The following TRPM3 variants were observed in gnomAD, a reference collection of about 807,000 sequenced individuals.
The protein encoded by TRPM3 is long transient receptor potential channel 3.
In TRPM3, 77 loss-of-function variants were observed where a neutral mutation model predicts 181.2. The ratio of observed to expected loss-of-function variants is 0.42; its 90% CI spans 0.35 to 0.51. The LOEUF is 0.51. Among genes scored for constraint, TRPM3 ranks in the 20% least tolerant of loss-of-function variants. TRPM3 has a pLI of 0.01. For missense variants in TRPM3, 1,759 were observed against 2,196.7 expected (o/e 0.80, Z 3.98); for synonymous variants, 745 against 796.4 (o/e 0.94, Z 1.09).
At chr9:71,013,753 C>G (rs1014020843) in intron 1 of TRPM3, among the ~76,000 whole-genome samples, 4 of 151,768 alleles carry the variant, frequency 2.6e-5, no homozygotes, top group African/African-American at 9.7e-5. Context: ...TTTCATTATT[C>G]CTTGGTGTTT....
chr9:71,107,340 T>C (rs1049781432), intron 1 of TRPM3, among the ~76,000 whole-genome samples: 3 of 152,142 alleles, frequency 2.0e-5, no homozygotes, highest in Admixed American at 6.6e-5. Context: ...TGCCCCTTCT[T>C]CTGGTTGGTA....
chr9:71,204,307 T>C (rs1299661623), intron 1 of TRPM3, among the ~76,000 whole-genome samples: 2 of 151,314 alleles, frequency 1.3e-5, no homozygotes, highest in Non-Finnish European at 1.5e-5. Context: ...TTTTGCAACC[T>C]ACTCATCTGA....
chr9:71,114,109 G>A (rs2071740158), intron 1 of TRPM3, among the ~76,000 whole-genome samples: 1 of 152,102 alleles, frequency 6.6e-6, no homozygotes, highest in African/African-American at 2.4e-5. Flanking sequence ...TTCCTTATCA[G>A]TTATCTATTT....
chr9:70,675,254 C>A (rs961734850), intron 9 of TRPM3, among the ~76,000 whole-genome samples: 1 of 152,156 alleles, frequency 6.6e-6, no homozygotes, highest in African/African-American at 2.4e-5. Context: ...TCACGCACTG[C>A]CATGCTCCAC....
chr9:71,442,054 T>C (rs1412564598), intron 1 of TRPM3, among the ~76,000 whole-genome samples: 1 of 152,210 alleles, frequency 6.6e-6, no homozygotes, highest in Non-Finnish European at 1.5e-5. Flanking sequence ...TGTGGATCCC[T>C]CCTGCACGCA....
intron 2 of TRPM3, 32 bp from the exon 3 acceptor site, chr9:70,863,144 G>T (rs761465812): frequency 9.4e-5 from 149 of 1,591,012 alleles, no homozygotes; most frequent in Non-Finnish European, 1.3e-4. Flanking sequence ...TGAACCCCTG[G>T]TATTAGTCAC....
intron 1 of TRPM3, among the ~76,000 whole-genome samples, chr9:71,246,668 A>G (rs150643377): frequency 3.7e-4 from 57 of 152,356 alleles, no homozygotes; most frequent in African/African-American, 1.3e-3. Context: ...AATTTTATCA[A>G]CCTACTTTTA....
Position 71,438,614 on chromosome 9 carries a change from C to T in TRPM3, c.183+8039G>A, listed in dbSNP as rs113094994. Among the ~76,000 whole-genome samples the T allele has an allele frequency of 7.6e-3, 1,164 of 152,240 alleles. 9 individuals are homozygous for T. The highest frequency in any genetic ancestry group is 0.013 in the Non-Finnish European group (903 of 68,020). On this transcript the variant is annotated intron_variant, in intron 1 of 24. Transcript: ENST00000357533. Reference sequence around the variant, plus strand: ...CCTGAGCCCGGGAGGCTGAGGCTGCCGTAAGCAGTGATTGTGCCACTGCAC... The same window carrying T: ...CCTGAGCCCGGGAGGCTGAGGCTGCTGTAAGCAGTGATTGTGCCACTGCAC...
intron 8 of TRPM3, among the ~76,000 whole-genome samples, chr9:70,697,941 C>T (rs2071086026): frequency 6.6e-6 from 1 of 152,198 alleles, no homozygotes; most frequent in South Asian, 2.1e-4. Context: ...GCTGGGCTGG[C>T]TCACATCTGT....
intron 9 of TRPM3, among the ~76,000 whole-genome samples, chr9:70,676,934 A>T (rs1486925220): frequency 6.9e-6 from 1 of 145,502 alleles, no homozygotes. Context: ...GCCTAAAGCT[A>T]TTACACTAAT....
chr9:70,786,122 T>C (rs947751035), intron 6 of TRPM3, among the ~76,000 whole-genome samples: 17 of 151,994 alleles, frequency 1.1e-4, no homozygotes, highest in African/African-American at 3.9e-4. Context: ...GTTTCCTTAT[T>C]GCTGCCTATT....
At chr9:70,925,356 A>C (rs2096710527) in intron 1 of TRPM3, among the ~76,000 whole-genome samples, 2 of 152,088 alleles carry the variant, frequency 1.3e-5, no homozygotes, top group Non-Finnish European at 2.9e-5. Flanking sequence ...ACCCTACCGC[A>C]ATGATGTATT....
chr9:70,638,776 T>C (rs1041930051), intron 11 of TRPM3, among the ~76,000 whole-genome samples: 2 of 152,202 alleles, frequency 1.3e-5, no homozygotes, highest in African/African-American at 4.8e-5. Context: ...ACAAACTGTG[T>C]TCTCATTTCC....
intron 1 of TRPM3, among the ~76,000 whole-genome samples, chr9:71,332,131 A>C (rs947452783): frequency 2.0e-5 from 3 of 151,668 alleles, no homozygotes; most frequent in Non-Finnish European, 4.4e-5. Flanking sequence ...TCCACTACTA[A>C]TAACCCCTTC....
chr9:70,826,064 T>A (rs1173086833), intron 6 of TRPM3: 1 of 152,322 alleles, frequency 6.6e-6, no homozygotes, highest in Non-Finnish European at 1.5e-5. Flanking sequence ...TATTACCAAG[T>A]ACTGAACTTG....
At chr9:71,196,262 G>A (rs12005131) in intron 1 of TRPM3, among the ~76,000 whole-genome samples, 1 of 146,776 alleles carries the variant, frequency 6.8e-6, no homozygotes, top group Non-Finnish European at 1.5e-5. Flanking sequence ...TTAATTATTT[G>A]TTTTTCTTTT....
chr9:70,685,599 G>A (rs2066543158), intron 8 of TRPM3, among the ~76,000 whole-genome samples: 1 of 152,072 alleles, frequency 6.6e-6, no homozygotes, highest in Non-Finnish European at 1.5e-5. Context: ...AGAGATGGGG[G>A]TCTCACTATG....
chr9:71,407,941 G>C (rs933551932), intron 1 of TRPM3, among the ~76,000 whole-genome samples: 7 of 152,122 alleles, frequency 4.6e-5, no homozygotes, highest in Admixed American at 2.6e-4. Context: ...GCCTCCGCTG[G>C]TGATACCCAG....
chr9:71,377,439 T>C (rs2092692651), intron 1 of TRPM3, among the ~76,000 whole-genome samples: 1 of 152,102 alleles, frequency 6.6e-6, no homozygotes, highest in Non-Finnish European at 1.5e-5. Flanking sequence ...AATATAATTA[T>C]TGGCCCTCTG....
Sources: allele counts gnomAD v4.1 joint callset (sites outside exome capture counted in the v4.1 genomes callset), GRCh38; gene constraint gnomAD v4.1.1; transcripts MANE v1.5; gene names NCBI Gene and HGNC (gene_info 2026-07-23, HGNC 2026-07-21).